The following MKRN1 variants were observed in gnomAD, a reference collection of about 807,000 sequenced individuals.
MKRN1 encodes the protein makorin ring finger protein 1, also known as E3 ubiquitin-protein ligase makorin-1.
Under a neutral mutation model 55.5 loss-of-function variants are expected in MKRN1, and 9 were observed. The observed-to-expected ratio is 0.16, with a 90% CI of 0.10 to 0.28. The LOEUF (loss-of-function observed/expected upper bound fraction) is 0.28. Ranked by LOEUF, MKRN1 falls within the 10% of genes least tolerant of loss-of-function variation. MKRN1 has a pLI of 1.00. For missense variants in MKRN1, 488 were observed against 626.7 expected (o/e 0.78, Z 2.36); for synonymous variants, 253 against 235.9 (o/e 1.07, Z -0.66).
intron 1 of MKRN1, chr7:140,478,781 G>C (rs1469802358): frequency 6.2e-6 from 1 of 160,544 alleles, no homozygotes; most frequent in African/African-American, 2.4e-5. Context: ...CGAGCCCCGG[G>C]AGCCGGAGGC....
intron 1 of MKRN1, chr7:140,473,210 C>CAAAAAA (rs534529617): frequency 1.7e-4 from 64 of 370,396 alleles, no homozygotes; most frequent in South Asian, 8.8e-4. Flanking sequence ...ATGATACCAC[C>CAAAAAA]AAAAAAAAAA....
In MKRN1 at chr7:140,476,450, C is replaced by T. The variant is rs146843628; in HGVS notation, c.185+2710G>A. ...TCTCGCCACTGCACTCCAGCCTGGG[C>T]GACAGAGCGACACTCCATCTCAAAA... On this transcript the variant is annotated intron_variant, in intron 1 of 7. Transcript: ENST00000255977. Among the ~76,000 whole-genome samples, 1,185 of 121,996 alleles carry T rather than the reference C, an allele frequency of 9.7e-3. 18 individuals are homozygous for T. Among genetic ancestry groups the T allele is most frequent in the African/African-American group, 0.038 (1,113 of 29,072 alleles). The allele number at this position is 121,996 out of a possible 152,430, so 80.0% of individuals were successfully genotyped here. A position where few individuals can be genotyped will look rare whatever the true frequency, so the allele number is the denominator to read the frequency against.
intron 2 of MKRN1, among the ~76,000 whole-genome samples, chr7:140,465,258 G>A (rs1341871144): frequency 6.6e-6 from 1 of 152,096 alleles, no homozygotes; most frequent in African/African-American, 2.4e-5. Context: ...CAGCACTTTG[G>A]GAGGCCGAGG....
At chr7:140,457,690 T>C (rs1350870161) in intron 4 of MKRN1, among the ~76,000 whole-genome samples, 1 of 151,386 alleles carries the variant, frequency 6.6e-6, no homozygotes, top group African/African-American at 2.4e-5. Context: ...AAAGCAAGAC[T>C]CTGTCTCAAA....
intron 3 of MKRN1, among the ~76,000 whole-genome samples, 177 bp from the exon 4 acceptor site, chr7:140,459,410 G>C (rs1008837205): frequency 7.2e-6 from 1 of 138,790 alleles, no homozygotes; most frequent in Non-Finnish European, 1.5e-5. Context: ...TTATTTCCAA[G>C]ATTAGACTTG....
intron 4 of MKRN1, 97 bp downstream of exon 4, chr7:140,458,910 T>C: frequency 7.7e-7 from 1 of 1,294,436 alleles, no homozygotes; most frequent in African/African-American, 1.5e-5. Context: ...AACCATTCAA[T>C]TCATCAAATG....
At chr7:140,474,690 G>A (rs1314236955) in intron 1 of MKRN1, among the ~76,000 whole-genome samples, 1 of 151,316 alleles carries the variant, frequency 6.6e-6, no homozygotes, top group Non-Finnish European at 1.5e-5. Context: ...ACAGCACTCA[G>A]ATAAAGAATT....
chr7:140,469,556 A>C (rs1794862755), intron 2 of MKRN1, among the ~76,000 whole-genome samples: 2 of 152,110 alleles, frequency 1.3e-5, no homozygotes, highest in Admixed American at 1.3e-4. Flanking sequence ...CTCCTCTGTT[A>C]AATTGTTTGC....
In MKRN1 at chr7:140,454,520, T is replaced by G; in HGVS notation, c.1446A>C (p.Leu482=). ...DELEDFYDLD[L] ...GTTCACACGCCACGCAAGGTTGCTA[T>G]AGATCCAAGTCATAAAAATCTTCCA... The change falls in exon 8 of 8, where the codon CTA becomes CTC. Residue 482 remains leucine (L), a synonymous_variant. Coordinates refer to ENST00000255977, the MANE Select transcript of MKRN1 (RefSeq NM_013446.4). 6.2e-7 allele frequency: 1 copy of G among 1,611,532 alleles called. No individual in the cohort carries two copies. Among genetic ancestry groups the G allele is most frequent in the Non-Finnish European group, 8.5e-7 (1 of 1,179,626 alleles).
rs1213731211 is a variant in MKRN1 at position 140,454,658 on chromosome 7, T to G, written c.1308A>C (p.Glu436Asp). ...CCAGCTCAAAGGTGACAACCTCTTC[T>G]TCATCGTTGTCAAAGGGGTTGCTGT... ...RENSNPFDND[E>D]EEVVTFELGE... Residue 436 changes from glutamate to aspartate, a missense_variant, in exon 8 of 8, where the codon GAA (glutamate) becomes GAC (aspartate). Transcript: ENST00000255977. 1 of 1,613,884 alleles carries G rather than the reference T, an allele frequency of 6.2e-7. No homozygotes were observed. The highest frequency in any genetic ancestry group is 2.2e-5 in the East Asian group (1 of 44,898).
chr7:140,476,675 G>GTATACTC (rs1585501648), intron 1 of MKRN1, among the ~76,000 whole-genome samples: 1 of 151,506 alleles, frequency 6.6e-6, no homozygotes, highest in East Asian at 1.9e-4. Flanking sequence ...CTCAGTAACT[G>GTATACTC]AGTATCCTGT....
At chr7:140,460,070 G>A (rs1390843447) in intron 2 of MKRN1, 134 bp from the exon 3 acceptor site, 3 of 774,214 alleles carry the variant, frequency 3.9e-6, no homozygotes, top group Non-Finnish European at 6.3e-6. Context: ...CCAATGTGGT[G>A]AAAACCCGTC....
intron 2 of MKRN1, among the ~76,000 whole-genome samples, chr7:140,470,944 T>A (rs1398904988): frequency 1.3e-5 from 2 of 150,516 alleles, no homozygotes; most frequent in Admixed American, 1.3e-4. Flanking sequence ...TATCCTGGAG[T>A]CCCCATCAAG....
At chr7:140,469,204 T>C (rs1315946199) in intron 2 of MKRN1, among the ~76,000 whole-genome samples, 1 of 151,790 alleles carries the variant, frequency 6.6e-6, no homozygotes, top group Non-Finnish European at 1.5e-5. Context: ...CGGGCGCCTG[T>C]AGTCCCAGCT....
Position 140,479,269 on chromosome 7 carries a change from C to A in MKRN1, c.76G>T (p.Ala26Ser). The A allele has an allele frequency of 7.2e-7, 1 of 1,393,586 alleles. No homozygotes were observed. The allele number at this position is 1,393,586 out of a possible 1,614,324, so 86.3% of individuals were successfully genotyped here. Residue 26 changes from alanine to serine, a missense_variant, in exon 1 of 8, where the codon GCC becomes TCC. By Grantham distance (99) the Ala-to-Ser change is moderately conservative (BLOSUM62 1). Transcript: ENST00000255977. The part of the protein sequence containing the change: ...AGAAAATAAA[A>S]SPTPIPTVTA... ...ACTGTGGGGATCGGGGTGGGGGAGGCTGCTGCCGCCGTCGCCGCTGCCGCT... is the reference window on the plus strand; with the variant it reads ...ACTGTGGGGATCGGGGTGGGGGAGGATGCTGCCGCCGTCGCCGCTGCCGCT...
At position 140,458,987 on chromosome 7, in the gene MKRN1, A is replaced by ACATCTCC. The variant is rs759705592; in HGVS notation, c.771+13_771+19dup. ...ATGATTCTCACATCTAATAACACAC[A>ACATCTCC]CATCTCCCTAAAGACTTACTTTGAT... On this transcript the variant is annotated intron_variant, in intron 4 of 7. Transcript: ENST00000255977. 17 of 1,610,126 alleles carry ACATCTCC rather than the reference A, an allele frequency of 1.1e-5. No homozygotes were observed. The highest frequency in any genetic ancestry group is 1.4e-5 in the Non-Finnish European group (17 of 1,176,452).
chr7:140,461,020 A>G (rs1032351273), intron 2 of MKRN1, among the ~76,000 whole-genome samples: 1 of 152,244 alleles, frequency 6.6e-6, no homozygotes, highest in Non-Finnish European at 1.5e-5. Flanking sequence ...TAGGAGTTTC[A>G]GATAGTTGAC....
At chr7:140,462,548 GTTA>G (rs1399227167) in intron 2 of MKRN1, among the ~76,000 whole-genome samples, 1 of 152,132 alleles carries the variant, frequency 6.6e-6, no homozygotes. Flanking sequence ...TTTAATCATT[GTTA>G]TTATTACCTC....
chr7:140,459,642 A>C, intron 3 of MKRN1, 65 bp downstream of exon 3: 1 of 1,497,804 alleles, frequency 6.7e-7, no homozygotes, highest in African/African-American at 1.4e-5. Flanking sequence ...AGTTGTCAAA[A>C]CTAAGCAAAT....
Sources: gnomAD v4.1 joint callset for allele counts (sites outside exome capture counted in the v4.1 genomes callset) on GRCh38, gnomAD v4.1.1 for gene constraint, MANE v1.5 for transcripts, NCBI Gene and HGNC (gene_info 2026-07-23, HGNC 2026-07-21) for gene names.